The following EXOC2 variants were observed in gnomAD, a reference collection of about 807,000 sequenced individuals.
EXOC2 encodes exocyst complex component 2, also known as SEC5-like 1.
In EXOC2, 70 loss-of-function variants were observed where a neutral mutation model predicts 131.8. That is an observed-to-expected ratio of 0.53 (90% CI 0.44 to 0.65). EXOC2 has a LOEUF of 0.65. Ranked by LOEUF, EXOC2 falls within the 30% of genes least tolerant of loss-of-function variation. The pLI is 0.00. For synonymous variants in EXOC2, 411 were observed against 398.4 expected (o/e 1.03, Z -0.38); for missense variants, 923 against 1,108.6 (o/e 0.83, Z 2.38).
intron 1 of EXOC2, among the ~76,000 whole-genome samples, chr6:640,460 C>A (rs565290258): frequency 3.3e-4 from 50 of 152,274 alleles, no homozygotes; most frequent in African/African-American, 1.1e-3. Flanking sequence ...TGTTGTATGG[C>A]CTGAATTATG....
intron 20 of EXOC2, 42 bp downstream of exon 20, chr6:555,185 T>G (rs1757353887): frequency 2.5e-6 from 3 of 1,192,370 alleles, no homozygotes; most frequent in Admixed American, 2.4e-5. Context: ...TATTTTTAAT[T>G]CTCTTAAATG....
intron 18 of EXOC2, 110 bp from the exon 19 acceptor site, chr6:556,123 GCCCTTCCTATAAAA>G: frequency 1.0e-6 from 1 of 974,258 alleles, no homozygotes. Flanking sequence ...CAGGAGTGGT[GCCCTTCCTATAAAA>G]GGAGGCGTGC....
intron 23 of EXOC2, among the ~76,000 whole-genome samples, chr6:515,752 G>A (rs1272628379): frequency 6.6e-6 from 1 of 150,632 alleles, no homozygotes; most frequent in Non-Finnish European, 1.5e-5. Flanking sequence ...GCGGTCCTAG[G>A]AGGGAGCGAG....
chr6:557,026 G>C (rs1427824560), intron 17 of EXOC2, among the ~76,000 whole-genome samples: 1 of 152,168 alleles, frequency 6.6e-6, no homozygotes, highest in Non-Finnish European at 1.5e-5. Flanking sequence ...CTTTATATCA[G>C]ATAGATTGTA....
In EXOC2 at chr6:556,035, A is replaced by G. The variant is rs781530854; in HGVS notation, c.1933-22T>C. 6.0e-5 allele frequency: 97 copies of G among 1,610,670 alleles called. 1 individual carries two copies. Among genetic ancestry groups the G allele is most frequent in the Non-Finnish European group, 8.0e-5 (94 of 1,179,028 alleles). Reference sequence around the variant, plus strand: ...AGACCTGTAAGGAAGAATTTTGATGAAAATTTTTGGACTTTGCTAAGAAAA... The same window carrying G: ...AGACCTGTAAGGAAGAATTTTGATGGAAATTTTTGGACTTTGCTAAGAAAA... On this transcript the variant is annotated intron_variant, in intron 18 of 27. Coordinates refer to ENST00000230449, the MANE Select transcript of EXOC2 (RefSeq NM_018303.6).
chr6:521,902 T>C (rs1765489195), intron 23 of EXOC2, among the ~76,000 whole-genome samples: 2 of 152,230 alleles, frequency 1.3e-5, no homozygotes, highest in South Asian at 4.1e-4. Flanking sequence ...AGTTCTCTTT[T>C]TGACATTTAT....
chr6:671,363 A>AC (rs1763859720), intron 1 of EXOC2, among the ~76,000 whole-genome samples: 1 of 151,514 alleles, frequency 6.6e-6, no homozygotes, highest in Non-Finnish European at 1.5e-5. Context: ...ACAAAAAAAA[A>AC]CAAAAAAAGA....
chr6:573,706 T>C (rs1429766749), intron 12 of EXOC2, among the ~76,000 whole-genome samples: 2 of 151,550 alleles, frequency 1.3e-5, no homozygotes, highest in Non-Finnish European at 2.9e-5. Flanking sequence ...TAAAATTGTA[T>C]TAATAATTTA....
chr6:613,547 C>A (rs1247543039), intron 6 of EXOC2, among the ~76,000 whole-genome samples: 3 of 152,202 alleles, frequency 2.0e-5, no homozygotes, highest in African/African-American at 4.8e-5. Flanking sequence ...TGGCACAGAC[C>A]AGAAACATTT....
chr6:613,986 G>T (rs1482172109), intron 6 of EXOC2, among the ~76,000 whole-genome samples: 1 of 151,964 alleles, frequency 6.6e-6, no homozygotes, highest in Non-Finnish European at 1.5e-5. Context: ...AGGTTACAAA[G>T]AATATTACAA....
At chr6:620,796 G>A (rs1304603977) in intron 4 of EXOC2, among the ~76,000 whole-genome samples, 4 of 152,120 alleles carry the variant, frequency 2.6e-5, no homozygotes, top group African/African-American at 9.7e-5. Context: ...CTCGTTTGGG[G>A]GAAAAATGGC....
At chr6:512,561 C>A (rs941733252) in intron 23 of EXOC2, among the ~76,000 whole-genome samples, 2 of 152,098 alleles carry the variant, frequency 1.3e-5, no homozygotes, top group Non-Finnish European at 2.9e-5. Context: ...TAGTTAAATT[C>A]TGGGGGTAAA....
intron 1 of EXOC2, among the ~76,000 whole-genome samples, chr6:667,051 T>C (rs2127769151): frequency 1.0e-5 from 1 of 97,064 alleles, no homozygotes; most frequent in South Asian, 3.3e-4. Flanking sequence ...TTTAATTATC[T>C]ATAAGCTATA....
At chr6:640,278 G>A (rs1253160227) in intron 1 of EXOC2, among the ~76,000 whole-genome samples, 1 of 152,210 alleles carries the variant, frequency 6.6e-6, no homozygotes. Flanking sequence ...CAGAAGGGGT[G>A]CGGGGAGAGC....
chr6:520,917 A>T (rs1484727036), intron 23 of EXOC2, among the ~76,000 whole-genome samples: 2 of 137,088 alleles, frequency 1.5e-5, no homozygotes, highest in East Asian at 5.4e-4. Context: ...CGGACATGAA[A>T]ATCACCACCC....
chr6:492,083 T>C (rs537012334), intron 25 of EXOC2, among the ~76,000 whole-genome samples: 1 of 152,304 alleles, frequency 6.6e-6, no homozygotes, highest in East Asian at 1.9e-4. Flanking sequence ...GACCTTAGGC[T>C]AGGAAACCCT....
At chr6:673,798 T>G (rs1235074299) in intron 1 of EXOC2, among the ~76,000 whole-genome samples, 1 of 152,180 alleles carries the variant, frequency 6.6e-6, no homozygotes, top group East Asian at 1.9e-4. Context: ...TTAAAAAGTA[T>G]GAAATATTGC....
intron 23 of EXOC2, among the ~76,000 whole-genome samples, chr6:517,145 G>C (rs1193350342): frequency 6.6e-6 from 1 of 152,210 alleles, no homozygotes; most frequent in South Asian, 2.1e-4. Flanking sequence ...AGGGTGGACA[G>C]AGACACAGTG....
At chr6:619,994 T>C (rs953888812) in intron 4 of EXOC2, among the ~76,000 whole-genome samples, 1 of 152,238 alleles carries the variant, frequency 6.6e-6, no homozygotes, top group South Asian at 2.1e-4. Context: ...TTTTAAGACA[T>C]ACTAAGAAAT....
Sources: allele counts gnomAD v4.1 joint callset (sites outside exome capture counted in the v4.1 genomes callset), GRCh38; gene constraint gnomAD v4.1.1; transcripts MANE v1.5; gene names NCBI Gene and HGNC (gene_info 2026-07-23, HGNC 2026-07-21).